The following CLEC16A variants were observed in gnomAD, a reference collection of about 807,000 sequenced individuals.
CLEC16A encodes the protein C-type lectin domain containing 16A, also known as protein CLEC16A.
In CLEC16A, 51 loss-of-function variants were observed where a neutral mutation model predicts 109.5. The ratio of observed to expected loss-of-function variants is 0.47; its 90% CI spans 0.37 to 0.59. CLEC16A has a LOEUF of 0.59. Among genes scored for constraint, CLEC16A ranks in the 20% least tolerant of loss-of-function variants. The pLI, the probability that CLEC16A is intolerant of heterozygous loss-of-function variation, is 0.00. For missense variants in CLEC16A, 1,339 were observed against 1,394.0 expected (o/e 0.96, Z 0.63); for synonymous variants, 673 against 564.2 (o/e 1.19, Z -2.73).
intron 23 of CLEC16A, among the ~76,000 whole-genome samples, chr16:11,167,096 G>A (rs545262806): frequency 8.3e-4 from 127 of 152,230 alleles, no homozygotes; most frequent in Non-Finnish European, 1.4e-3. Flanking sequence ...GAGGGAACCC[G>A]GGAGTGAATG....
At chr16:11,159,442 C>T (rs982720347) in intron 22 of CLEC16A, among the ~76,000 whole-genome samples, 2 of 152,230 alleles carry the variant, frequency 1.3e-5, no homozygotes, top group African/African-American at 4.8e-5. Flanking sequence ...AAGTAGGATC[C>T]ACAGAAGTGT....
intron 3 of CLEC16A, among the ~76,000 whole-genome samples, chr16:10,967,214 C>G (rs1055147087): frequency 6.6e-6 from 1 of 152,192 alleles, no homozygotes; most frequent in African/African-American, 2.4e-5. Flanking sequence ...CACACTGTGG[C>G]TTCCATCACG....
At chr16:10,986,183 C>T (rs1424031513) in intron 10 of CLEC16A, among the ~76,000 whole-genome samples, 5 of 151,592 alleles carry the variant, frequency 3.3e-5, no homozygotes, top group African/African-American at 1.2e-4. Context: ...GGCGCCTGCC[C>T]CCACACCCGG....
intron 19 of CLEC16A, among the ~76,000 whole-genome samples, chr16:11,119,314 T>G (rs2052230977): frequency 6.6e-6 from 1 of 152,176 alleles, no homozygotes; most frequent in East Asian, 1.9e-4. Flanking sequence ...ATATGTCTAT[T>G]TTTATACCAG....
intron 17 of CLEC16A, chr16:11,047,787 T>G (rs568370292): frequency 2.0e-5 from 3 of 152,574 alleles, no homozygotes; most frequent in African/African-American, 7.2e-5. Context: ...GAAAAGAGGT[T>G]TAATTGACTC....
chr16:11,088,682 C>A (rs937879839), intron 19 of CLEC16A, among the ~76,000 whole-genome samples: 1 of 152,082 alleles, frequency 6.6e-6, no homozygotes, highest in Non-Finnish European at 1.5e-5. Flanking sequence ...TGCTTGGCAC[C>A]CCTGCTCCTT....
chr16:11,036,724 T>C (rs2047046655), intron 13 of CLEC16A, among the ~76,000 whole-genome samples: 1 of 152,048 alleles, frequency 6.6e-6, no homozygotes, highest in African/African-American at 2.4e-5. Context: ...AATTTTTGTA[T>C]TTTTAGTAGA....
intron 14 of CLEC16A, chr16:11,041,953 G>A: frequency 3.3e-6 from 1 of 304,982 alleles, no homozygotes; most frequent in East Asian, 6.8e-5. Flanking sequence ...GGAAGTGGGG[G>A]TGCAGGGCCA....
chr16:11,053,615 C>T (rs2048060617), intron 18 of CLEC16A, among the ~76,000 whole-genome samples: 1 of 152,162 alleles, frequency 6.6e-6, no homozygotes, highest in South Asian at 2.1e-4. Flanking sequence ...AAGCGATCCG[C>T]CCACCTCGGC....
chr16:11,030,563 T>C (rs2046681813), intron 13 of CLEC16A, among the ~76,000 whole-genome samples: 1 of 152,254 alleles, frequency 6.6e-6, no homozygotes, highest in Non-Finnish European at 1.5e-5. Flanking sequence ...TCTTTGTTAG[T>C]GAAGAGTCTT....
At chr16:11,021,927 C>T (rs973228649) in intron 12 of CLEC16A, among the ~76,000 whole-genome samples, 1 of 152,108 alleles carries the variant, frequency 6.6e-6, no homozygotes, top group East Asian at 1.9e-4. Context: ...GGAAGAGAAA[C>T]ACCCATGTAT....
At chr16:11,092,008 G>C (rs963579887) in intron 19 of CLEC16A, among the ~76,000 whole-genome samples, 1 of 152,114 alleles carries the variant, frequency 6.6e-6, no homozygotes, top group Non-Finnish European at 1.5e-5. Flanking sequence ...CTTGGACTCA[G>C]TGTGCAGAAG....
intron 10 of CLEC16A, among the ~76,000 whole-genome samples, chr16:10,983,199 G>C (rs536608480): frequency 6.6e-6 from 1 of 152,198 alleles, no homozygotes; most frequent in Non-Finnish European, 1.5e-5. Context: ...TTGATTGATT[G>C]TGTGTTCTTA....
intron 22 of CLEC16A, among the ~76,000 whole-genome samples, chr16:11,164,884 C>G (rs947150633): frequency 6.6e-6 from 1 of 152,220 alleles, no homozygotes; most frequent in Non-Finnish European, 1.5e-5. Flanking sequence ...TAGTAGAGAG[C>G]TGGACCGTGT....
chr16:11,169,156 G>A (rs2068398397), intron 23 of CLEC16A, among the ~76,000 whole-genome samples: 1 of 152,218 alleles, frequency 6.6e-6, no homozygotes, highest in African/African-American at 2.4e-5. Flanking sequence ...TAAGTCAGAG[G>A]CGATCCCGTC....
chr16:11,005,124 A>G (rs1001505992), intron 11 of CLEC16A, among the ~76,000 whole-genome samples: 1 of 152,158 alleles, frequency 6.6e-6, no homozygotes, highest in East Asian at 1.9e-4. Context: ...CCTTTTAAGG[A>G]TGCTCTCTAA....
At chr16:11,156,583 C>G (rs1238082426) in intron 22 of CLEC16A, 1 of 1,304,228 alleles carries the variant, frequency 7.7e-7, no homozygotes, top group Non-Finnish European at 1.0e-6. Flanking sequence ...GCCCTGCTGA[C>G]TGCCGCAGTA....
rs996072177 is a variant in CLEC16A, at chr16:10,944,665, T to A, written c.-53T>A. On this transcript the variant is annotated 5_prime_UTR_variant, in exon 1 of 24. Coordinates refer to ENST00000409790, the MANE Select transcript of CLEC16A (RefSeq NM_015226.3). ...GCTACCGCCGCGGGCGCTGGGCCGC[T>A]CTGCTGGTCCGGCATGAGACCGTGA... 6.5e-7 allele frequency: 1 copy of A among 1,531,674 alleles called. No individual in the cohort carries two copies. Among genetic ancestry groups the A allele is most frequent in the Non-Finnish European group, 8.9e-7 (1 of 1,123,518 alleles). 94.9% of individuals were successfully genotyped at this position (1,531,674 alleles called of 1,614,324 possible). A position where few individuals can be genotyped will look rare whatever the true frequency, so the allele number is the denominator to read the frequency against.
At chr16:11,017,090 T>C (rs533238589) in intron 11 of CLEC16A, among the ~76,000 whole-genome samples, 15 of 151,790 alleles carry the variant, frequency 9.9e-5, no homozygotes, top group African/African-American at 3.6e-4. Flanking sequence ...GCATGAGATA[T>C]CTCCCCACGA....
Sources: allele counts gnomAD v4.1 joint callset (sites outside exome capture counted in the v4.1 genomes callset), GRCh38; gene constraint gnomAD v4.1.1; transcripts MANE v1.5; gene names NCBI Gene and HGNC (gene_info 2026-07-23, HGNC 2026-07-21).